The following NEK3 variants were observed in gnomAD, a reference collection of about 807,000 sequenced individuals.
NEK3 encodes the protein serine/threonine-protein kinase Nek3.
A neutral mutation model predicts 66.0 loss-of-function variants in NEK3; 54 were observed. The ratio of observed to expected loss-of-function variants is 0.82; its 90% CI spans 0.66 to 1.03. The LOEUF is 1.03. Ranked by LOEUF, NEK3 falls within the 50% of genes least tolerant of loss-of-function variation. NEK3 has a pLI of 0.00. For missense variants in NEK3, 593 were observed against 603.0 expected, an observed-to-expected ratio of 0.98 and a Z score of 0.17; for synonymous variants, 200 against 206.2, an observed-to-expected ratio of 0.97 and a Z score of 0.26.
At chr13:52,133,579 C>T in intron 15 of NEK3, 110 bp downstream of exon 15, 3 of 1,354,244 alleles carry the variant, frequency 2.2e-6, no homozygotes, top group South Asian at 1.6e-5. Flanking sequence ...ATAAGAGGTC[C>T]CTACTAAATC....
intron 11 of NEK3, among the ~76,000 whole-genome samples, chr13:52,138,613 TACA>T (rs1030742490): frequency 2.0e-4 from 30 of 152,184 alleles, no homozygotes; most frequent in African/African-American, 7.2e-4. Flanking sequence ...TTTGTTGTCA[TACA>T]ACATCTTTTC....
chr13:52,133,548 C>T, intron 15 of NEK3, 141 bp downstream of exon 15: 1 of 1,133,732 alleles, frequency 8.8e-7, no homozygotes, highest in Non-Finnish European at 1.2e-6. Context: ...ATATAAATAT[C>T]CATTTATGAT....
In NEK3 at chr13:52,140,901, C is replaced by T. The variant is rs570224087; in HGVS notation, c.927+119G>A. ...CGCAATCTAGGCTCACTGCAACCTC[C>T]GCCTCCAGGTTCACTTGATTCTCCT... On this transcript the variant is annotated intron_variant, in intron 11 of 15. Coordinates refer to ENST00000610828, the MANE Select transcript of NEK3 (RefSeq NM_002498.3). 6.3e-5 allele frequency: 44 copies of T among 693,306 alleles called. No individual in the cohort carries two copies. The South Asian group carries it at 8.0e-4, about 13-fold the overall frequency. The allele number at this position is 693,306 out of a possible 1,614,324, so 42.9% of individuals were successfully genotyped here.
At chr13:52,141,151 G>C in intron 10 of NEK3, 82 bp from the exon 11 acceptor site, 2 of 1,292,846 alleles carry the variant, frequency 1.5e-6, no homozygotes. Flanking sequence ...TTTTCATACA[G>C]CTGGAGAAGT....
intron 11 of NEK3, among the ~76,000 whole-genome samples, chr13:52,139,893 T>A (rs1227873424): frequency 1.3e-5 from 2 of 151,834 alleles, no homozygotes; most frequent in East Asian, 3.9e-4. Flanking sequence ...AGGGAGATTC[T>A]GTTTCAAAAT....
chr13:52,148,465 T>G lies in NEK3; in HGVS notation c.553A>C (p.Ile185Leu), dbSNP rs374088197. 1.9e-6 allele frequency: 3 copies of G among 1,613,450 alleles called. No individual in the cohort carries two copies. In the African/African-American group the frequency reaches 4.0e-5, roughly 22 times the overall value. ...ENLPYNNKSD[I>L]WSLGCILYEL... The stretch of plus-strand genomic sequence containing the variant: ...TACAGGATGCAACCCAAGGACCAGA[T>G]GTCACTGAAAGCATAAAGAAGCAAT... Residue 185 changes from isoleucine (I) to leucine (L), a missense_variant, in exon 8 of 16, where the codon ATC (isoleucine) becomes CTC (leucine). Transcript: ENST00000610828.
At chr13:52,136,969 G>T in intron 11 of NEK3, 67 bp from the exon 12 acceptor site, 1 of 1,013,582 alleles carries the variant, frequency 9.9e-7, no homozygotes, top group South Asian at 1.9e-5. Flanking sequence ...AAACAAATAT[G>T]CAAAGTCAGC....
chr13:52,151,174 A>C lies in NEK3; in HGVS notation c.520T>G (p.Trp174Gly). The change falls in exon 7 of 16, where the codon TGG (tryptophan) becomes GGG (glycine). Residue 174 changes from tryptophan to glycine, a missense_variant. Coordinates refer to ENST00000610828, the MANE Select transcript of NEK3 (RefSeq NM_002498.3). ...GTPYYVPPEI[W>G]ENLPYNNKSD... is the part of the protein sequence containing the mutation. ...TTATTGTTATAAGGCAGGTTTTCCC[A>C]AATTTCTGGAGGCACATAATAAGGA... 1 of 1,609,996 alleles carries C rather than the reference A, an allele frequency of 6.2e-7. No homozygotes were observed.
upstream of NEK3, chr13:52,159,844 G>A (rs1195454685): frequency 1.3e-5 from 2 of 152,252 alleles, no homozygotes; most frequent in Non-Finnish European, 2.9e-5. Flanking sequence ...GTGCTAGCTA[G>A]AACTTACTAG....
chr13:52,152,404 G>A (rs1040921411), intron 5 of NEK3, among the ~76,000 whole-genome samples: 4 of 151,998 alleles, frequency 2.6e-5, no homozygotes, highest in African/African-American at 9.7e-5. Context: ...TATATAACAC[G>A]TTGTACGTCA....
intron 11 of NEK3, among the ~76,000 whole-genome samples, chr13:52,138,578 C>T (rs1956223518): frequency 6.6e-6 from 1 of 152,270 alleles, no homozygotes; most frequent in East Asian, 1.9e-4. Context: ...AGTTTAATTA[C>T]TAGTACATTC....
intron 9 of NEK3, 62 bp from the exon 10 acceptor site, chr13:52,144,049 G>T: frequency 2.3e-6 from 2 of 881,414 alleles, no homozygotes; most frequent in South Asian, 1.6e-5. Context: ...ATACTGCCGT[G>T]ATGTCATTTC....
chr13:52,136,287 C>T, intron 12 of NEK3, 28 bp from the exon 13 acceptor site: 1 of 1,611,140 alleles, frequency 6.2e-7, no homozygotes, highest in Non-Finnish European at 8.5e-7. Context: ...AAAAGGAATG[C>T]CAAGCATGTG....
chr13:52,135,962 T>A, intron 13 of NEK3, 99 bp from the exon 14 acceptor site: 1 of 1,505,054 alleles, frequency 6.6e-7, no homozygotes, highest in South Asian at 1.3e-5. Context: ...TATATTTGAC[T>A]GTTAACTAAA....
At chr13:52,147,776 A>T (rs1302421414) in intron 8 of NEK3, among the ~76,000 whole-genome samples, 1 of 152,172 alleles carries the variant, frequency 6.6e-6, no homozygotes, top group Non-Finnish European at 1.5e-5. Context: ...GTTCAAGACC[A>T]GCCTGCTCAA....
intron 10 of NEK3, among the ~76,000 whole-genome samples, chr13:52,143,369 C>T (rs187687250): frequency 4.0e-5 from 6 of 151,746 alleles, no homozygotes; most frequent in African/African-American, 9.7e-5. Flanking sequence ...GTGGTGAATA[C>T]GGAGAGTCCC....
chr13:52,140,894 C>A (rs1956244708), intron 11 of NEK3, 126 bp downstream of exon 11: 1 of 640,248 alleles, frequency 1.6e-6, no homozygotes, highest in Non-Finnish European at 2.5e-6. Flanking sequence ...AGGCTCACTG[C>A]AACCTCCGCC....
intron 10 of NEK3, among the ~76,000 whole-genome samples, chr13:52,142,386 C>T (rs1222049741): frequency 1.3e-5 from 2 of 151,952 alleles, no homozygotes; most frequent in Non-Finnish European, 2.9e-5. Flanking sequence ...ACGCCATTCT[C>T]CTGCCTCAGC....
chr13:52,154,560 A>C (rs1459289435), intron 2 of NEK3, among the ~76,000 whole-genome samples: 1 of 151,932 alleles, frequency 6.6e-6, no homozygotes, highest in African/African-American at 2.4e-5. Context: ...AAGAAAAAAA[A>C]AAGGGAGTGA....
Sources: gnomAD v4.1 joint callset for allele counts (sites outside exome capture counted in the v4.1 genomes callset) on GRCh38, gnomAD v4.1.1 for gene constraint, MANE v1.5 for transcripts, NCBI Gene and HGNC (gene_info 2026-07-23, HGNC 2026-07-21) for gene names.